The following CEP78 variants were observed in gnomAD, a reference collection of about 807,000 sequenced individuals.
The protein encoded by CEP78 is centrosomal protein 78.
CEP78 carries 76 observed loss-of-function variants against 81.2 expected under a neutral mutation model. That is an observed-to-expected ratio of 0.94 (90% CI 0.78 to 1.13). The LOEUF is 1.13. CEP78 is among the 50% of genes most tolerant of loss of function. CEP78 has a pLI of 0.00. For missense variants in CEP78, 918 were observed against 846.8 expected, an observed-to-expected ratio of 1.08 and a Z score of -1.04; for synonymous variants, 293 against 301.4, an observed-to-expected ratio of 0.97 and a Z score of 0.29.
intron 9 of CEP78, 86 bp from the exon 10 acceptor site, chr9:78,253,146 C>G: frequency 1.4e-6 from 1 of 713,828 alleles, no homozygotes; most frequent in Non-Finnish European, 2.6e-6. Flanking sequence ...GGATAGTATA[C>G]ATAATACTAG....
At chr9:78,252,540 G>A (rs1220735638) in intron 9 of CEP78, among the ~76,000 whole-genome samples, 4 of 152,180 alleles carry the variant, frequency 2.6e-5, no homozygotes. Flanking sequence ...GCTATTCATA[G>A]TAATTTTTGT....
At chr9:78,247,595 A>T (rs191020063) in intron 6 of CEP78, among the ~76,000 whole-genome samples, 3 of 152,324 alleles carry the variant, frequency 2.0e-5, no homozygotes, top group Admixed American at 2.0e-4. Context: ...GCTGAAAACC[A>T]TGGGAGGATT....
At chr9:78,253,670 A>G (rs1244015902) in intron 10 of CEP78, 3 of 158,692 alleles carry the variant, frequency 1.9e-5, no homozygotes, top group Admixed American at 1.9e-4. Context: ...TAAAGCTAAA[A>G]CAAAGCAACC....
chr9:78,264,530 T>C (rs1055171534), intron 13 of CEP78, among the ~76,000 whole-genome samples: 3 of 151,774 alleles, frequency 2.0e-5, no homozygotes, highest in Non-Finnish European at 4.4e-5. Flanking sequence ...AGTAAACTTA[T>C]CTGGCTTGGT....
At chr9:78,241,633 C>A in intron 3 of CEP78, 63 bp from the exon 4 acceptor site, 1 of 725,928 alleles carries the variant, frequency 1.4e-6, no homozygotes. Flanking sequence ...GCAAATAAAT[C>A]AAGACTGACT....
At chr9:78,264,645 TAA>T (rs34285580) in intron 13 of CEP78, among the ~76,000 whole-genome samples, 12,180 of 119,162 alleles carry the variant, frequency 0.1, 641 homozygotes, top group Admixed American at 0.21. Flanking sequence ...GCCCATCTCT[TAA>T]AAAAAAAAAA....
In CEP78 at chr9:78,246,779, A is replaced by G. The variant is rs1826510461; in HGVS notation, c.889A>G (p.Ile297Val). Residue 297 changes from isoleucine to valine, a missense_variant, in exon 6 of 17, where the codon ATT (isoleucine) becomes GTT (valine). Transcript: ENST00000643273. ...TCTGGATATAAGAAAAAATCCACTC[A>G]TTGGTATGTCGCTACAATATTTTTT... The part of the protein sequence containing the change: ...VVLDIRKNPL[I>V]DHSMMKAVIK... The G allele has an allele frequency of 6.5e-7, 1 of 1,535,544 alleles. No individual in the cohort carries two copies. Among genetic ancestry groups the G allele is most frequent in the Non-Finnish European group, 8.9e-7 (1 of 1,121,348 alleles).
chr9:78,263,943 A>G, intron 12 of CEP78: 1 of 309,154 alleles, frequency 3.2e-6, no homozygotes, highest in Non-Finnish European at 5.8e-6. Context: ...TAATTAATGA[A>G]ATACTATTTA....
chr9:78,240,333 A>T lies in CEP78; in HGVS notation c.468A>T (p.Ala156=). The T allele has an allele frequency of 6.3e-7, 1 of 1,593,276 alleles. No homozygotes were observed. Among genetic ancestry groups the T allele is most frequent in the Non-Finnish European group, 8.6e-7 (1 of 1,168,254 alleles). The change falls in exon 3 of 17, where the codon GCA becomes GCT. Residue 156 remains alanine (A), a synonymous_variant. Coordinates refer to ENST00000643273, the MANE Select transcript of CEP78 (RefSeq NM_001330691.3). ...CTTCTTTGGTGCACCTGTCTCTTGC[A>T]AATTGTCCAATTGGAGATGGAGGTT... ...KSASLVHLSL[A]NCPIGDGGLE...
chr9:78,265,842 A>C lies in CEP78; in HGVS notation c.1798-17A>C. 8.0e-7 allele frequency: 1 copy of C among 1,247,344 alleles called. No individual in the cohort carries two copies. Among genetic ancestry groups the C allele is most frequent in the South Asian group, 1.3e-5 (1 of 77,792 alleles). The allele number at this position is 1,247,344 out of a possible 1,614,324, so 77.3% of individuals were successfully genotyped here. The stretch of plus-strand genomic sequence containing the variant: ...TTTCAATTTTATAAATGTCTATTCT[A>C]TTCATATTCCATCTAGGTTTCTATT... On this transcript the variant is annotated splice_polypyrimidine_tract_variant and intron_variant, in intron 14 of 16. Transcript: ENST00000643273.
intron 8 of CEP78, 94 bp downstream of exon 8, chr9:78,248,967 C>T (rs1286828715): frequency 5.5e-6 from 3 of 545,304 alleles, no homozygotes; most frequent in Non-Finnish European, 9.7e-6. Flanking sequence ...ACAGTAACAA[C>T]CAATATTGAC....
rs1336628414 is a variant in CEP78, at chr9:78,275,846, C to G, written c.*4995C>G. The stretch of plus-strand genomic sequence containing the variant: ...CATGTAGTCCCAGCCACTCAGGAGG[C>G]TGAAGTGGGAGGATCGCTTGAGGCC... On this transcript the variant is annotated 3_prime_UTR_variant, in exon 17 of 17. Transcript: ENST00000643273. The G allele has an allele frequency of 1.3e-5, 2 of 152,208 alleles. No individual in the cohort carries two copies. The highest frequency in any genetic ancestry group is 4.8e-5 in the African/African-American group (2 of 41,356). 9.4% of individuals were successfully genotyped at this position (152,208 alleles called of 1,614,324 possible).
chr9:78,254,755 G>C, intron 10 of CEP78, 81 bp from the exon 11 acceptor site: 1 of 1,160,698 alleles, frequency 8.6e-7, no homozygotes, highest in Non-Finnish European at 1.2e-6. Context: ...TAACACTTCA[G>C]AAAGATCACT....
chr9:78,238,138 A>G (rs965603847), intron 1 of CEP78, among the ~76,000 whole-genome samples: 1 of 151,918 alleles, frequency 6.6e-6, no homozygotes, highest in Non-Finnish European at 1.5e-5. Flanking sequence ...AAAAAAAAAA[A>G]AAGAAGGGTA....
chr9:78,241,165 G>T (rs1826210938), intron 3 of CEP78, among the ~76,000 whole-genome samples: 1 of 152,078 alleles, frequency 6.6e-6, no homozygotes, highest in African/African-American at 2.4e-5. Context: ...CTGAAGTCTT[G>T]TGTTCGTTGT....
Position 78,250,978 on chromosome 9 carries a change from C to T in CEP78, c.1070-930C>T, listed in dbSNP as rs151141881. Among the ~76,000 whole-genome samples the T allele has an allele frequency of 2.4e-3, 368 of 152,152 alleles. 3 individuals carry two copies. Among genetic ancestry groups the T allele is most frequent in the Middle Eastern group, 0.017 (5 of 294 alleles). On this transcript the variant is annotated intron_variant, in intron 8 of 16. Coordinates refer to ENST00000643273, the MANE Select transcript of CEP78 (RefSeq NM_001330691.3). ...AAATACATGTTCTTGTAGATGCTGT[C>T]CTAAAGCTGCTAAAGTAGATCTTAC...
At chr9:78,266,817 G>A (rs1175429515) in intron 16 of CEP78, 114 bp downstream of exon 16, 14 of 1,488,462 alleles carry the variant, frequency 9.4e-6, no homozygotes, top group East Asian at 2.4e-5. Flanking sequence ...TAGTTCTTTG[G>A]TTAATGAACC....
chr9:78,242,163 G>T (rs1023295558), intron 4 of CEP78, among the ~76,000 whole-genome samples: 1 of 151,990 alleles, frequency 6.6e-6, no homozygotes, highest in African/African-American at 2.4e-5. Flanking sequence ...TGTAGATCGG[G>T]GTAGTCAAAC....
At chr9:78,264,377 G>T in intron 13 of CEP78, 61 bp downstream of exon 13, 1 of 1,412,432 alleles carries the variant, frequency 7.1e-7, no homozygotes. Flanking sequence ...TTTTGCTGAG[G>T]AACTTGAGCA....
Sources: allele counts gnomAD v4.1 joint callset (sites outside exome capture counted in the v4.1 genomes callset), GRCh38; gene constraint gnomAD v4.1.1; transcripts MANE v1.5; gene names NCBI Gene and HGNC (gene_info 2026-07-23, HGNC 2026-07-21).